Variants in MON2 observed in about 807,000 individuals in gnomAD.
MON2 encodes MON2 regulator of endosome-to-Golgi trafficking, also known as protein MON2 homolog.
In MON2, 84 loss-of-function variants were observed where a neutral mutation model predicts 208.6. The ratio of observed to expected loss-of-function variants is 0.40; its 90% CI spans 0.34 to 0.48. MON2 has a LOEUF of 0.48. Ranked by LOEUF, MON2 falls within the 20% of genes least tolerant of loss-of-function variation. MON2 has a pLI of 0.59. For synonymous variants in MON2, 660 were observed against 694.0 expected (o/e 0.95, Z 0.77); for missense variants, 1,611 against 2,015.4 (o/e 0.80, Z 3.84).
At chr12:62,501,472 A>G in intron 6 of MON2, 101 bp from the exon 7 acceptor site, 1 of 1,364,562 alleles carries the variant, frequency 7.3e-7, no homozygotes, top group Non-Finnish European at 1.0e-6. Context: ...AAAAACATGT[A>G]TTATATAAGA....
intron 30 of MON2, among the ~76,000 whole-genome samples, chr12:62,576,766 A>G (rs1379479011): frequency 6.6e-6 from 1 of 151,768 alleles, no homozygotes; most frequent in Non-Finnish European, 1.5e-5. Flanking sequence ...TTAAATAACT[A>G]TTAGTTATCC....
At chr12:62,524,685 T>A (rs770905932) in intron 9 of MON2, 46 bp downstream of exon 9, 2 of 1,577,940 alleles carry the variant, frequency 1.3e-6, no homozygotes, top group African/African-American at 1.4e-5. Context: ...TTAATGTTTA[T>A]TAACCTGTAA....
chr12:62,553,004 C>G lies in MON2; in HGVS notation c.3040C>G (p.Pro1014Ala), dbSNP rs773288348. The G allele has an allele frequency of 2.5e-6, 4 of 1,613,996 alleles. No homozygotes were observed. The highest frequency in any genetic ancestry group is 2.7e-5 in the African/African-American group (2 of 74,900). ...AGTTGTTTTAAATCGGCCATTCCAC[C>G]CTGCACCGCCATTTGATTGCTTGTG... ...KGVVLNRPFH[P>A]APPFDCLWLC... Residue 1014 changes from proline to alanine, a missense_variant, in exon 24 of 35, where the codon CCT becomes GCT. By Grantham distance (27) the Pro-to-Ala change is conservative. Coordinates refer to ENST00000393630, the MANE Select transcript of MON2 (RefSeq NM_015026.3).
intron 31 of MON2, among the ~76,000 whole-genome samples, chr12:62,579,227 G>A (rs956862135): frequency 6.6e-6 from 1 of 150,714 alleles, no homozygotes; most frequent in African/African-American, 2.4e-5. Context: ...CTGGGCAACA[G>A]AGCAAGACCC....
At chr12:62,565,192 G>GCATT (rs1337145544) in intron 26 of MON2, 45 bp from the exon 27 acceptor site, 1 of 1,575,382 alleles carries the variant, frequency 6.3e-7, no homozygotes, top group Non-Finnish European at 8.7e-7. Context: ...AGAACTTAAT[G>GCATT]GAGTTCAGAT....
In MON2 at chr12:62,500,868, T is replaced by C; in HGVS notation, c.651T>C (p.Tyr217=). ...STLKPCAKDA[Y]MLFQDLCQLV... ...TCAAACCTTGTGCTAAAGATGCATA[T>C]ATGCTTTTCCAGGTATTTTAGTTGA... is the stretch of plus-strand genomic sequence containing the variant. The change falls in exon 6 of 35, where the codon TAT becomes TAC. Residue 217 remains tyrosine, a synonymous_variant. Transcript: ENST00000393630. 1 of 1,556,410 alleles carries C rather than the reference T, an allele frequency of 6.4e-7. No homozygotes were observed. The highest frequency in any genetic ancestry group is 8.7e-7 in the Non-Finnish European group (1 of 1,148,078).
At chr12:62,473,643 C>T (rs2068907650) in intron 1 of MON2, among the ~76,000 whole-genome samples, 1 of 152,098 alleles carries the variant, frequency 6.6e-6, no homozygotes, top group African/African-American at 2.4e-5. Flanking sequence ...TATCTTGGCT[C>T]ACTGCAGCCT....
intron 29 of MON2, among the ~76,000 whole-genome samples, chr12:62,570,275 T>C (rs985549537): frequency 1.1e-4 from 16 of 152,246 alleles, no homozygotes; most frequent in Admixed American, 9.8e-4. Context: ...TACCCCTCAA[T>C]GGTCAAATCT....
intron 8 of MON2, among the ~76,000 whole-genome samples, chr12:62,510,904 C>T (rs1333596086): frequency 2.0e-5 from 3 of 152,110 alleles, no homozygotes; most frequent in Non-Finnish European, 4.4e-5. Flanking sequence ...ATATTCCACA[C>T]CAGAAAAACT....
chr12:62,567,083 C>G (rs1257533574), intron 29 of MON2, among the ~76,000 whole-genome samples: 2 of 152,060 alleles, frequency 1.3e-5, no homozygotes, highest in African/African-American at 4.8e-5. Context: ...TTAAAAGATT[C>G]TTGTTGATTG....
At chr12:62,558,269 C>T (rs1024865487) in intron 25 of MON2, among the ~76,000 whole-genome samples, 5 of 151,836 alleles carry the variant, frequency 3.3e-5, no homozygotes, top group South Asian at 2.1e-4. Flanking sequence ...TGAGCCATCA[C>T]GCCCAGCCTA....
chr12:62,516,421 G>T (rs2071692396), intron 8 of MON2, among the ~76,000 whole-genome samples: 1 of 152,020 alleles, frequency 6.6e-6, no homozygotes, highest in Non-Finnish European at 1.5e-5. Flanking sequence ...ATAACTAAAA[G>T]AGGCCAGGCG....
At chr12:62,499,601 C>T (rs1007673646) in intron 5 of MON2, among the ~76,000 whole-genome samples, 3 of 151,918 alleles carry the variant, frequency 2.0e-5, no homozygotes, top group Non-Finnish European at 2.9e-5. Flanking sequence ...TGGCTGGGTG[C>T]GGTGGCTCAT....
At chr12:62,544,283 A>G (rs2073378104) in intron 20 of MON2, among the ~76,000 whole-genome samples, 1 of 152,074 alleles carries the variant, frequency 6.6e-6, no homozygotes, top group African/African-American at 2.4e-5. Flanking sequence ...CATTTCTACA[A>G]AAAATTTAAA....
intron 1 of MON2, among the ~76,000 whole-genome samples, chr12:62,479,741 T>C (rs908591241): frequency 6.6e-6 from 1 of 152,228 alleles, no homozygotes; most frequent in Non-Finnish European, 1.5e-5. Context: ...ACCTATATCA[T>C]TTCTATTCAA....
At chr12:62,495,516 C>G (rs1451931859) in intron 4 of MON2, among the ~76,000 whole-genome samples, 1 of 151,870 alleles carries the variant, frequency 6.6e-6, no homozygotes, top group Non-Finnish European at 1.5e-5. Context: ...TGGTGAAACC[C>G]CGTCTCTACT....
chr12:62,478,504 G>C (rs575844934), intron 1 of MON2, among the ~76,000 whole-genome samples: 5 of 152,266 alleles, frequency 3.3e-5, no homozygotes, highest in Admixed American at 2.0e-4. Flanking sequence ...CTATCATCTT[G>C]TTGTTACTAA....
intron 25 of MON2, among the ~76,000 whole-genome samples, chr12:62,556,952 G>A (rs2136326342): frequency 6.6e-6 from 1 of 152,190 alleles, no homozygotes; most frequent in East Asian, 1.9e-4. Context: ...AAATGTGGTG[G>A]TGCACACCTG....
At chr12:62,544,382 G>A (rs557872158) in intron 20 of MON2, among the ~76,000 whole-genome samples, 2 of 152,184 alleles carry the variant, frequency 1.3e-5, no homozygotes, top group East Asian at 1.9e-4. Flanking sequence ...GGAAGTTGAC[G>A]CTGCAGTGAT....
Sources: gnomAD v4.1 joint callset for allele counts (sites outside exome capture counted in the v4.1 genomes callset) on GRCh38, gnomAD v4.1.1 for gene constraint, MANE v1.5 for transcripts, NCBI Gene and HGNC (gene_info 2026-07-23, HGNC 2026-07-21) for gene names.